Variants in APBB2 observed in about 807,000 individuals in gnomAD.
APBB2 encodes the protein amyloid beta precursor protein binding family B member 2.
In APBB2, 38 loss-of-function variants were observed where a neutral mutation model predicts 82.5. That is an observed-to-expected ratio of 0.46 (90% CI 0.36 to 0.60). APBB2 has a LOEUF of 0.60. Among genes scored for constraint, APBB2 ranks in the 20% least tolerant of loss-of-function variants. The pLI is 0.00. For synonymous variants in APBB2, 341 were observed against 368.2 expected (o/e 0.93, Z 0.85); for missense variants, 772 against 972.3 (o/e 0.79, Z 2.74).
At chr4:41,007,895 G>A (rs867201264) in intron 6 of APBB2, among the ~76,000 whole-genome samples, 8 of 152,114 alleles carry the variant, frequency 5.3e-5, no homozygotes, top group East Asian at 1.9e-4. Flanking sequence ...GAGTAATGCC[G>A]AAAGCCACTA....
intron 3 of APBB2, among the ~76,000 whole-genome samples, chr4:41,085,121 C>T (rs939940133): frequency 1.7e-4 from 26 of 151,864 alleles, no homozygotes; most frequent in South Asian, 2.1e-4. Context: ...CGTGGTGATG[C>T]GCGCCTGTAG....
chr4:40,843,795 G>C (rs1218322690), intron 12 of APBB2, among the ~76,000 whole-genome samples: 1 of 152,162 alleles, frequency 6.6e-6, no homozygotes, highest in Admixed American at 6.5e-5. Flanking sequence ...CAGTATTACT[G>C]TTCTGACAGA....
chr4:40,996,435 G>A (rs1212018351), intron 6 of APBB2, among the ~76,000 whole-genome samples: 3 of 152,092 alleles, frequency 2.0e-5, no homozygotes, highest in Admixed American at 2.0e-4. Flanking sequence ...GGACATACAC[G>A]AGTCCCAGAC....
rs28733482 is a variant in APBB2, at chr4:40,832,017, C to T, written c.1530-1440G>A. The stretch of plus-strand genomic sequence containing the variant: ...ATATTTATATATTTATTTATATACA[C>T]ACACACACACACACACACACACACA... On this transcript the variant is annotated intron_variant, in intron 12 of 17. Coordinates refer to ENST00000508593, the MANE Select transcript of APBB2 (RefSeq NM_004307.2). This position sits in a 1 kb window ranked among gnomAD's most constrained non-coding sequence, Gnocchi z 4.8. Among the ~76,000 whole-genome samples the T allele has an allele frequency of 0.19, 23,184 of 123,670 alleles. 2,066 individuals carry two copies. The highest frequency in any genetic ancestry group is 0.28 in the East Asian group (1,215 of 4,308). The allele number at this position is 123,670 out of a possible 152,430, so 81.1% of individuals were successfully genotyped here. A position where few individuals can be genotyped will look rare whatever the true frequency, so the allele number is the denominator to read the frequency against.
At chr4:40,887,771 C>T (rs1474099580) in intron 12 of APBB2, among the ~76,000 whole-genome samples, 2 of 152,252 alleles carry the variant, frequency 1.3e-5, no homozygotes, top group South Asian at 2.1e-4. Flanking sequence ...CCCATGATCT[C>T]GCTGAGGTCC....
chr4:40,863,913 A>AAAAAAAAAAAAAC (rs1440352855), intron 12 of APBB2, among the ~76,000 whole-genome samples: 1 of 150,214 alleles, frequency 6.7e-6, no homozygotes, highest in South Asian at 2.1e-4. Flanking sequence ...AAAAAAAAAA[A>AAAAAAAAAAAAAC]AAAGCAAGCC....
At chr4:40,823,435 C>A (rs1047367781) in intron 16 of APBB2, among the ~76,000 whole-genome samples, 1 of 152,108 alleles carries the variant, frequency 6.6e-6, no homozygotes, top group African/African-American at 2.4e-5. Flanking sequence ...ATCAGAAGCA[C>A]CAGAAGAGAA....
chr4:40,919,971 C>T (rs957531214), intron 10 of APBB2, among the ~76,000 whole-genome samples: 2 of 152,176 alleles, frequency 1.3e-5, no homozygotes, highest in Admixed American at 6.5e-5. Flanking sequence ...ACTTGTACCA[C>T]GGCCCTGCAC....
intron 10 of APBB2, among the ~76,000 whole-genome samples, chr4:40,917,005 C>T (rs937906317): frequency 6.6e-6 from 1 of 152,196 alleles, no homozygotes; most frequent in African/African-American, 2.4e-5. Flanking sequence ...CAGACTTCTG[C>T]AGGCTTCCTC....
chr4:40,846,613 CT>C (rs1757741839), intron 12 of APBB2, among the ~76,000 whole-genome samples: 1 of 152,192 alleles, frequency 6.6e-6, no homozygotes, highest in South Asian at 2.1e-4. Context: ...GTGTGCCTTC[CT>C]TTCCAAAGCA....
chr4:40,936,729 A>G (rs1785461835), intron 7 of APBB2, among the ~76,000 whole-genome samples: 1 of 152,254 alleles, frequency 6.6e-6, no homozygotes, highest in Non-Finnish European at 1.5e-5. Context: ...CTTTTAAAAA[A>G]TAATTTCTCT....
chr4:41,129,288 C>A (rs1755296049), intron 2 of APBB2, among the ~76,000 whole-genome samples: 1 of 152,042 alleles, frequency 6.6e-6, no homozygotes, highest in African/African-American at 2.4e-5. Flanking sequence ...TCTCAACTGG[C>A]CCCACTTTCC....
At chr4:41,121,215 T>G (rs1752698060) in intron 2 of APBB2, among the ~76,000 whole-genome samples, 1 of 152,236 alleles carries the variant, frequency 6.6e-6, no homozygotes, top group Admixed American at 6.5e-5. Context: ...TGCAGCCAAT[T>G]AGAAATGATA....
rs1471185743 is a variant in APBB2, at chr4:40,907,373, ATATATATTTTTTT to A, written c.1255-13975_1255-13963del. On this transcript the variant is annotated intron_variant, in intron 10 of 17. Transcript: ENST00000508593. Reference sequence around the variant, plus strand: ...CATATATATATATATATATATATATATATATATTTTTTTTTTTTTTTTTTTTTAGACAGAGTCT... The same window carrying A: ...CATATATATATATATATATATATATATTTTTTTTTTTTTTAGACAGAGTCT... Among the ~76,000 whole-genome samples, 109 of 37,400 alleles carry A rather than the reference ATATATATTTTTTT, an allele frequency of 2.9e-3. 1 individual carries two copies. The highest frequency in any genetic ancestry group is 0.012 in the African/African-American group (89 of 7,462). The allele number at this position is 37,400 out of a possible 152,430, so 24.5% of individuals were successfully genotyped here.
chr4:40,827,614 A>G (rs1294751693), intron 13 of APBB2, among the ~76,000 whole-genome samples: 1 of 152,172 alleles, frequency 6.6e-6, no homozygotes, highest in Non-Finnish European at 1.5e-5. Flanking sequence ...CTTTGAAGAC[A>G]GACAACATGG....
chr4:41,178,415 C>T (rs753328437), intron 1 of APBB2, among the ~76,000 whole-genome samples: 5 of 152,138 alleles, frequency 3.3e-5, no homozygotes, highest in Non-Finnish European at 7.3e-5. Context: ...CTCCGGTACC[C>T]TGTACTTTAA....
intron 12 of APBB2, among the ~76,000 whole-genome samples, chr4:40,854,028 G>C (rs752050482): frequency 6.6e-6 from 1 of 152,158 alleles, no homozygotes; most frequent in Non-Finnish European, 1.5e-5. Flanking sequence ...CAAGGTGCCT[G>C]ACACATGGAT....
At position 41,014,188 on chromosome 4, in the gene APBB2, G is replaced by T. The variant is rs377460632; in HGVS notation, c.230C>A (p.Ala77Glu). 1 of 1,614,172 alleles carries T rather than the reference G, an allele frequency of 6.2e-7. No homozygotes were observed. The highest frequency in any genetic ancestry group is 8.5e-7 in the Non-Finnish European group (1 of 1,180,032). The change falls in exon 6 of 18, where the codon GCG becomes GAG. Residue 77 changes from alanine (A) to glutamate (E), a missense_variant. Physicochemically the swap from Ala to Glu is moderately radical, Grantham distance 107. Transcript: ENST00000508593. ...RKKYALTNIQ[A>E]AMGLSDPAAQ... The stretch of plus-strand genomic sequence containing the variant: ...AGCTGGATCCGAGAGGCCCATGGCC[G>T]CCTGGATGTTAGTTAGTGCATATTT...
At chr4:40,871,141 G>C (rs78603455) in intron 12 of APBB2, among the ~76,000 whole-genome samples, 1 of 151,640 alleles carries the variant, frequency 6.6e-6, no homozygotes, top group East Asian at 1.9e-4. Context: ...CTACTACCCC[G>C]CACCCGTTTA....
Sources: allele counts gnomAD v4.1 joint callset (sites outside exome capture counted in the v4.1 genomes callset), GRCh38; gene constraint gnomAD v4.1.1; non-coding constraint Gnocchi (gnomAD v3.1); transcripts MANE v1.5; gene names NCBI Gene and HGNC (gene_info 2026-07-23, HGNC 2026-07-21).